PIP4K2A: variants seen among roughly 807,000 people sequenced by gnomAD.
PIP4K2A encodes the protein phosphatidylinositol-5-phosphate 4-kinase type 2 alpha.
PIP4K2A carries 14 observed loss-of-function variants against 42.9 expected under a neutral mutation model. The ratio of observed to expected loss-of-function variants is 0.33; its 90% CI spans 0.22 to 0.51. The LOEUF is 0.51. Ranked by LOEUF, PIP4K2A falls within the 20% of genes least tolerant of loss-of-function variation. PIP4K2A has a pLI of 0.97. For missense variants in PIP4K2A, 434 were observed against 519.8 expected, an observed-to-expected ratio of 0.83 and a Z score of 1.61; for synonymous variants, 192 against 192.2, an observed-to-expected ratio of 1.00 and a Z score of 0.01.
At position 22,602,687 on chromosome 10, in the gene PIP4K2A, C is replaced by G. The variant is rs1479637630; in HGVS notation, c.339+5240G>C. Among the ~76,000 whole-genome samples the G allele has an allele frequency of 2.0e-5, 3 of 152,256 alleles. No individual in the cohort carries two copies. The East Asian group carries it at 5.8e-4, about 29-fold the overall frequency. On this transcript the variant is annotated intron_variant, in intron 3 of 9. Coordinates refer to ENST00000376573, the MANE Select transcript of PIP4K2A (RefSeq NM_005028.5). Reference sequence around the variant, plus strand: ...TTCAAAGTCCCCATTAGCCCTCACTCTCTTTCACAAGTATTTCTTATTTAC... The same window carrying G: ...TTCAAAGTCCCCATTAGCCCTCACTGTCTTTCACAAGTATTTCTTATTTAC...
At chr10:22,551,326 C>G (rs1029547467) in intron 6 of PIP4K2A, among the ~76,000 whole-genome samples, 25 of 152,186 alleles carry the variant, frequency 1.6e-4, no homozygotes, top group Admixed American at 2.0e-4. Flanking sequence ...CCAAGCCTTC[C>G]TGTTCACCAC....
At chr10:22,587,728 T>G (rs1366518875) in intron 4 of PIP4K2A, among the ~76,000 whole-genome samples, 1 of 152,164 alleles carries the variant, frequency 6.6e-6, no homozygotes, top group African/African-American at 2.4e-5. Flanking sequence ...AAGAACAGCC[T>G]GAAGAACATT....
intron 3 of PIP4K2A, among the ~76,000 whole-genome samples, chr10:22,606,469 C>A (rs1279904643): frequency 1.3e-5 from 2 of 152,192 alleles, no homozygotes; most frequent in East Asian, 3.8e-4. Flanking sequence ...AAACCACAAC[C>A]CCAGGCCATC....
At position 22,644,498 on chromosome 10, in the gene PIP4K2A, T is replaced by C. The variant is rs554795667; in HGVS notation, c.145-34781A>G. On this transcript the variant is annotated intron_variant, in intron 1 of 9. Coordinates refer to ENST00000376573, the MANE Select transcript of PIP4K2A (RefSeq NM_005028.5). ...TCCTCACCTTGGCTAAACTCCTGCC[T>C]GGTTTGCCCATGGCTAGTCCGTCAG... 7.2e-5 allele frequency among the ~76,000 whole-genome samples: 11 copies of C among 152,314 alleles called. No individual in the cohort carries two copies. The East Asian group carries it at 1.9e-3, about 27-fold the overall frequency.
intron 1 of PIP4K2A, among the ~76,000 whole-genome samples, chr10:22,664,092 T>TATATATATATACATATATATATATAC (rs1839273696): frequency 3.2e-5 from 2 of 62,906 alleles, no homozygotes; most frequent in Admixed American, 1.7e-4. Flanking sequence ...TATATATACA[T>TATATATATATACATATATATATATAC]ATATATATAT....
At chr10:22,664,078 T>TATATATATATACATATATATATACAC (rs1839270019) in intron 1 of PIP4K2A, among the ~76,000 whole-genome samples, 4 of 66,376 alleles carry the variant, frequency 6.0e-5, no homozygotes, top group Admixed American at 3.2e-4. Flanking sequence ...TATATATACG[T>TATATATATATACATATATATATACAC]ATATATATAT....
chr10:22,566,792 GC>G (rs1836857927), intron 6 of PIP4K2A, among the ~76,000 whole-genome samples: 1 of 152,172 alleles, frequency 6.6e-6, no homozygotes. Context: ...ACCCTGCCCA[GC>G]CTGAGCCAGG....
chr10:22,677,213 T>C (rs997344877), intron 1 of PIP4K2A, among the ~76,000 whole-genome samples: 1 of 152,130 alleles, frequency 6.6e-6, no homozygotes, highest in African/African-American at 2.4e-5. Context: ...TGGGGTGTGC[T>C]CATTCACTGG....
chr10:22,674,344 C>T (rs1444663820), intron 1 of PIP4K2A, among the ~76,000 whole-genome samples: 1 of 149,030 alleles, frequency 6.7e-6, no homozygotes, highest in Non-Finnish European at 1.5e-5. Context: ...TCCGTATATA[C>T]CAGACACTGT....
intron 1 of PIP4K2A, among the ~76,000 whole-genome samples, chr10:22,662,027 T>C (rs1839213941): frequency 6.6e-6 from 1 of 152,212 alleles, no homozygotes; most frequent in South Asian, 2.1e-4. Context: ...TGATCATTTA[T>C]TATAAATCCA....
chr10:22,612,360 G>T (rs1013788613), intron 1 of PIP4K2A, among the ~76,000 whole-genome samples: 4 of 152,248 alleles, frequency 2.6e-5, no homozygotes, highest in Non-Finnish European at 4.4e-5. Flanking sequence ...GGCCAGATGG[G>T]GGAGGCATGT....
In PIP4K2A at chr10:22,617,709, C is replaced by T. The variant is rs976461507; in HGVS notation, c.145-7992G>A. On this transcript the variant is annotated intron_variant, in intron 1 of 9. Coordinates refer to ENST00000376573, the MANE Select transcript of PIP4K2A (RefSeq NM_005028.5). ...AGCCCCTGTTGGGTATAAAGGCTGG[C>T]GGAAGTGGCAGGGGGCCTGGAGGGG... Among the ~76,000 whole-genome samples, 9 of 151,832 alleles carry T rather than the reference C, an allele frequency of 5.9e-5. No homozygotes were observed. The East Asian group carries it at 1.7e-3, about 29-fold the overall frequency.
chr10:22,638,608 A>G (rs1838715738), intron 1 of PIP4K2A, among the ~76,000 whole-genome samples: 2 of 152,228 alleles, frequency 1.3e-5, no homozygotes, highest in South Asian at 4.1e-4. Flanking sequence ...AATTTTCAAA[A>G]TAAGTATCTT....
intron 2 of PIP4K2A, among the ~76,000 whole-genome samples, chr10:22,608,716 T>G (rs1034147536): frequency 6.6e-6 from 1 of 151,990 alleles, no homozygotes. Flanking sequence ...TTACAAAAAG[T>G]TTTTTAAAAA....
chr10:22,594,483 T>A (rs1358143006), intron 3 of PIP4K2A, among the ~76,000 whole-genome samples: 2 of 152,188 alleles, frequency 1.3e-5, no homozygotes, highest in Non-Finnish European at 2.9e-5. Flanking sequence ...GCAGCCTTGA[T>A]CTCCTGGACT....
chr10:22,597,719 GA>G (rs10711192), intron 3 of PIP4K2A, among the ~76,000 whole-genome samples: 63,446 of 146,284 alleles, frequency 0.43, 15,681 homozygotes, highest in African/African-American at 0.7. Flanking sequence ...GCTCTGCATG[GA>G]AAAAAAAAAA....
At chr10:22,551,383 G>A (rs7084761) in intron 6 of PIP4K2A, among the ~76,000 whole-genome samples, 145,656 of 152,302 alleles carry the variant, frequency 0.96, 69,685 homozygotes, top group East Asian at 1. Context: ...CAAAGAAAAA[G>A]GGTCTTCTCT....
At chr10:22,618,478 C>A (rs1324013347) in intron 1 of PIP4K2A, among the ~76,000 whole-genome samples, 2 of 152,148 alleles carry the variant, frequency 1.3e-5, no homozygotes, top group Non-Finnish European at 2.9e-5. Context: ...CTTGTTTTGT[C>A]CCTGTCCCGC....
rs989824523 is a variant in PIP4K2A at position 22,567,717 on chromosome 10, G to A, written c.678+134C>T. 8.7e-6 allele frequency: 7 copies of A among 808,090 alleles called. No homozygotes were observed. The East Asian group carries it at 1.2e-4, about 14-fold the overall frequency. 50.1% of individuals were successfully genotyped at this position (808,090 alleles called of 1,614,324 possible). ...TCATCGGGTCAATACAGTGTTTCTC[G>A]CTGGTGGCAGCAGAATGGGGAACAG... On this transcript the variant is annotated intron_variant, in intron 6 of 9. Coordinates refer to ENST00000376573, the MANE Select transcript of PIP4K2A (RefSeq NM_005028.5).
Sources: gnomAD v4.1 joint callset for allele counts (sites outside exome capture counted in the v4.1 genomes callset) on GRCh38, gnomAD v4.1.1 for gene constraint, MANE v1.5 for transcripts, NCBI Gene and HGNC (gene_info 2026-07-23, HGNC 2026-07-21) for gene names.